SULF1: variants seen among roughly 807,000 people sequenced by gnomAD.
SULF1 encodes sulfatase 1.
SULF1 carries 46 observed loss-of-function variants against 110.5 expected under a neutral mutation model. That is an observed-to-expected ratio of 0.42 (90% confidence interval 0.33 to 0.53). The LOEUF is 0.53. Among genes scored for constraint, SULF1 ranks in the 20% least tolerant of loss-of-function variants. The pLI is 0.12. For synonymous variants in SULF1, 371 were observed against 387.1 expected, an observed-to-expected ratio of 0.96 and a Z score of 0.49; for missense variants, 941 against 1,094.2, an observed-to-expected ratio of 0.86 and a Z score of 1.98.
chr8:69,527,379 A>G (rs1377690090), intron 3 of SULF1, among the ~76,000 whole-genome samples: 1 of 152,110 alleles, frequency 6.6e-6, no homozygotes, highest in Non-Finnish European at 1.5e-5. Flanking sequence ...GACAATAGCC[A>G]TGTCATTGGG....
chr8:69,584,220 G>A (rs758916118), intron 6 of SULF1, among the ~76,000 whole-genome samples: 16 of 152,192 alleles, frequency 1.1e-4, no homozygotes, highest in Non-Finnish European at 1.9e-4. Flanking sequence ...GGGAAAGTCA[G>A]TGAGACCATG....
intron 8 of SULF1, among the ~76,000 whole-genome samples, chr8:69,589,920 C>A (rs567303042): frequency 6.6e-6 from 1 of 152,172 alleles, no homozygotes. Flanking sequence ...GTGGAGTTGG[C>A]TCTGTGTCTG....
intron 3 of SULF1, among the ~76,000 whole-genome samples, chr8:69,534,658 A>T (rs142656365): frequency 3.5e-4 from 54 of 152,332 alleles, no homozygotes; most frequent in African/African-American, 1.3e-3. Context: ...TTTCCTTGAC[A>T]AACGACTTAA....
intron 1 of SULF1, among the ~76,000 whole-genome samples, chr8:69,482,231 A>T (rs1001236147): frequency 2.6e-5 from 4 of 152,210 alleles, no homozygotes; most frequent in African/African-American, 9.7e-5. Context: ...AACCGGCTAG[A>T]TAATGGGCTC....
chr8:69,473,318 T>C (rs927911854), intron 1 of SULF1: 3 of 152,234 alleles, frequency 2.0e-5, no homozygotes, highest in African/African-American at 7.2e-5. Flanking sequence ...ACTGTTTAAC[T>C]GCTGTCGGTG....
At chr8:69,493,535 A>G (rs962280778) in intron 1 of SULF1, among the ~76,000 whole-genome samples, 6 of 151,982 alleles carry the variant, frequency 3.9e-5, no homozygotes, top group Non-Finnish European at 7.4e-5. Context: ...GGCTTGTTAG[A>G]CAAGGAGAAA....
At chr8:69,470,418 C>A (rs559981763) in intron 1 of SULF1, among the ~76,000 whole-genome samples, 12 of 152,206 alleles carry the variant, frequency 7.9e-5, no homozygotes, top group Admixed American at 5.2e-4. Context: ...TATTTAAATT[C>A]TTTTTAATCT....
intron 2 of SULF1, among the ~76,000 whole-genome samples, chr8:69,499,931 G>A (rs1478765505): frequency 6.6e-6 from 1 of 151,772 alleles, no homozygotes; most frequent in Non-Finnish European, 1.5e-5. Flanking sequence ...TAAATTTTTT[G>A]GTTGAGATGA....
intron 8 of SULF1, 95 bp downstream of exon 8, chr8:69,589,236 G>C: frequency 8.2e-7 from 1 of 1,221,730 alleles, no homozygotes; most frequent in Non-Finnish European, 1.1e-6. Flanking sequence ...CTTCCACCCT[G>C]CGTATCCACA....
intron 6 of SULF1, among the ~76,000 whole-genome samples, chr8:69,582,757 C>T (rs191188360): frequency 1.3e-5 from 2 of 151,122 alleles, no homozygotes; most frequent in East Asian, 3.9e-4. Context: ...CCAAGGAAAG[C>T]ACGGGGCTTG....
intron 6 of SULF1, among the ~76,000 whole-genome samples, chr8:69,585,146 G>GGTGTGT (rs141955554): frequency 1.3e-5 from 2 of 150,270 alleles, no homozygotes; most frequent in African/African-American, 4.9e-5. Context: ...CATGCATAGG[G>GGTGTGT]GTGTGTGTGT....
Position 69,572,212 on chromosome 8 carries a change from A to G in SULF1, c.173-3758A>G, listed in dbSNP as rs182902772. Reference sequence around the variant, plus strand: ...TCTGTTTCTCATCTTGAAAATGTCAATGTCACAGCCAGCATTCAGCCTAGA... The same window carrying G: ...TCTGTTTCTCATCTTGAAAATGTCAGTGTCACAGCCAGCATTCAGCCTAGA... On this transcript the variant is annotated intron_variant, in intron 5 of 22. Coordinates refer to ENST00000402687, the MANE Select transcript of SULF1 (RefSeq NM_001128205.2). 8.9e-4 allele frequency among the ~76,000 whole-genome samples: 136 copies of G among 152,278 alleles called. 2 individuals are homozygous for G. The South Asian group carries it at 0.018, about 20-fold the overall frequency.
chr8:69,659,013 C>T lies in SULF1; in HGVS notation c.*478C>T, dbSNP rs1354565162. The T allele has an allele frequency of 1.5e-5, 7 of 457,172 alleles. No homozygotes were observed. The highest frequency in any genetic ancestry group is 7.7e-5 in the South Asian group (5 of 64,576). The allele number at this position is 457,172 out of a possible 1,614,324, so 28.3% of individuals were successfully genotyped here. A position where few individuals can be genotyped will look rare whatever the true frequency, so the allele number is the denominator to read the frequency against. Reference sequence around the variant, plus strand: ...ATGAAGAGACTAATCATCTGGAAACCGATTTCAGTGGCGATGGCATGACAG... The same window carrying T: ...ATGAAGAGACTAATCATCTGGAAACTGATTTCAGTGGCGATGGCATGACAG... On this transcript the variant is annotated 3_prime_UTR_variant, in exon 23 of 23. Coordinates refer to ENST00000402687, the MANE Select transcript of SULF1 (RefSeq NM_001128205.2).
chr8:69,614,866 T>C (rs1808961216), intron 13 of SULF1, among the ~76,000 whole-genome samples: 1 of 152,210 alleles, frequency 6.6e-6, no homozygotes. Flanking sequence ...TGCAGAAATA[T>C]TTGTGGAATG....
rs137971635 is a variant in SULF1 at position 69,615,873 on chromosome 8, C to T, written c.1378-5162C>T. On this transcript the variant is annotated intron_variant, in intron 13 of 22. Coordinates refer to ENST00000402687, the MANE Select transcript of SULF1 (RefSeq NM_001128205.2). ...TGTTCTACAGGAATCTACTTGTACC[C>T]TCAGCTCCTCCAGGGCAAAAACAAA... Among the ~76,000 whole-genome samples, 47 of 152,142 alleles carry T rather than the reference C, an allele frequency of 3.1e-4. 1 individual carries two copies. In the East Asian group the frequency reaches 8.5e-3, roughly 28 times the overall value.
At chr8:69,504,205 T>C (rs193002688) in intron 3 of SULF1, among the ~76,000 whole-genome samples, 1 of 152,322 alleles carries the variant, frequency 6.6e-6, no homozygotes, top group Admixed American at 6.5e-5. Flanking sequence ...TTATGTCTTC[T>C]TCACTTCTCA....
intron 3 of SULF1, among the ~76,000 whole-genome samples, chr8:69,544,167 T>C (rs756414559): frequency 6.6e-6 from 1 of 152,218 alleles, no homozygotes; most frequent in East Asian, 1.9e-4. Context: ...TTCACAAGTC[T>C]AAGAATAGTG....
At chr8:69,498,115 A>T (rs1410952625) in intron 2 of SULF1, among the ~76,000 whole-genome samples, 2 of 25,400 alleles carry the variant, frequency 7.9e-5, no homozygotes, top group African/African-American at 2.4e-4. Flanking sequence ...CTCTCTCTCC[A>T]CACACACACA....
Position 69,551,832 on chromosome 8 carries a change from C to T in SULF1, c.-133-11707C>T, listed in dbSNP as rs552185143. Among the ~76,000 whole-genome samples the T allele has an allele frequency of 9.2e-5, 14 of 152,296 alleles. No homozygotes were observed. The East Asian group carries it at 2.7e-3, about 29-fold the overall frequency. ...TAAGGCCGGGTGCGGTGGCTCATGC[C>T]TGTAATCCCAGCACTTTGAGAGGCC... On this transcript the variant is annotated intron_variant, in intron 3 of 22. Transcript: ENST00000402687.
Sources: gnomAD v4.1 joint callset for allele counts (sites outside exome capture counted in the v4.1 genomes callset) on GRCh38, gnomAD v4.1.1 for gene constraint, MANE v1.5 for transcripts, NCBI Gene and HGNC (gene_info 2026-07-23, HGNC 2026-07-21) for gene names.